Variants in BDP1 observed in about 807,000 individuals in gnomAD.
The protein encoded by BDP1 is BDP1 general transcription factor IIIB subunit.
Under a neutral mutation model 266.6 loss-of-function variants are expected in BDP1, and 169 were observed. The ratio of observed to expected loss-of-function variants is 0.63; its 90% CI spans 0.56 to 0.72. The LOEUF (loss-of-function observed/expected upper bound fraction) is 0.72. BDP1 is among the 30% of genes least tolerant of loss of function. The probability of loss-of-function intolerance (pLI) is 0.00; values close to 1 mark genes in which losing one functional copy is unlikely to be tolerated. For missense variants in BDP1, 3,015 were observed against 3,053.8 expected (o/e 0.99, Z 0.30); for synonymous variants, 1,090 against 1,022.4 (o/e 1.07, Z -1.26).
intron 5 of BDP1, among the ~76,000 whole-genome samples, chr5:71,466,507 T>C (rs2150357338): frequency 6.6e-6 from 1 of 152,340 alleles, no homozygotes; most frequent in African/African-American, 2.4e-5. Flanking sequence ...AATCATATGC[T>C]GTCTTCCACT....
chr5:71,470,391 A>T lies in BDP1; in HGVS notation c.920-4A>T, dbSNP rs747369076. ...CAATCATTCTAAATCTTTTATTTTC[A>T]CAGAAACAGATATGTTTTTTTTAGC... is the stretch of plus-strand genomic sequence containing the variant. On this transcript the variant is annotated splice_polypyrimidine_tract_variant and splice_region_variant and intron_variant, in intron 6 of 38. Coordinates refer to ENST00000358731, the MANE Select transcript of BDP1 (RefSeq NM_018429.3). 3.8e-6 allele frequency: 6 copies of T among 1,578,844 alleles called. No homozygotes were observed. Among genetic ancestry groups the T allele is most frequent in the Non-Finnish European group, 5.2e-6 (6 of 1,155,410 alleles).
intron 20 of BDP1, among the ~76,000 whole-genome samples, chr5:71,515,746 A>G (rs183443089): frequency 2.0e-5 from 3 of 152,136 alleles, no homozygotes; most frequent in Admixed American, 6.5e-5. Flanking sequence ...TTTCTTTTTC[A>G]TCTTCATAAA....
intron 7 of BDP1, among the ~76,000 whole-genome samples, chr5:71,470,740 A>G (rs1362148535): frequency 6.6e-6 from 1 of 151,920 alleles, no homozygotes; most frequent in Non-Finnish European, 1.5e-5. Context: ...GGCACCTGCC[A>G]CCACGCCCGG....
At chr5:71,503,807 C>T (rs1764406391) in intron 15 of BDP1, among the ~76,000 whole-genome samples, 1 of 151,894 alleles carries the variant, frequency 6.6e-6, no homozygotes, top group South Asian at 2.1e-4. Context: ...TCTCTACAAA[C>T]AAAAATTTTT....
intron 7 of BDP1, among the ~76,000 whole-genome samples, chr5:71,479,073 C>T (rs370229945): frequency 5.9e-5 from 9 of 152,114 alleles, no homozygotes; most frequent in South Asian, 2.1e-4. Flanking sequence ...GATGGAGTCT[C>T]GCTCTGTTGC....
At chr5:71,495,166 T>G in intron 11 of BDP1, 84 bp from the exon 12 acceptor site, 1 of 813,888 alleles carries the variant, frequency 1.2e-6, no homozygotes. Flanking sequence ...ATGGTGATTT[T>G]GTGTGTTTAA....
intron 7 of BDP1, among the ~76,000 whole-genome samples, chr5:71,472,829 G>A (rs1157876754): frequency 6.6e-6 from 1 of 151,114 alleles, no homozygotes; most frequent in Non-Finnish European, 1.5e-5. Context: ...TTTCTTTGGA[G>A]GAAGAGTTTA....
chr5:71,553,026 T>C (rs1742962269), intron 34 of BDP1, 90 bp from the exon 35 acceptor site: 1 of 1,104,370 alleles, frequency 9.1e-7, no homozygotes, highest in Non-Finnish European at 1.3e-6. Flanking sequence ...TTTAACTTTA[T>C]TATTGGAAGG....
chr5:71,460,069 A>C (rs907074186), intron 2 of BDP1, among the ~76,000 whole-genome samples: 1 of 152,242 alleles, frequency 6.6e-6, no homozygotes, highest in South Asian at 2.1e-4. Flanking sequence ...GAGTCAATAC[A>C]TGTAAAACAC....
chr5:71,461,460 A>G (rs1761559871), intron 2 of BDP1, among the ~76,000 whole-genome samples: 1 of 150,760 alleles, frequency 6.6e-6, no homozygotes. Context: ...AAAAAACCCC[A>G]CAAAATTAGC....
chr5:71,457,566 T>C (rs565777140), intron 1 of BDP1, among the ~76,000 whole-genome samples: 1 of 152,236 alleles, frequency 6.6e-6, no homozygotes, highest in Non-Finnish European at 1.5e-5. Context: ...TCCACCTGCC[T>C]CAGCCCAAAG....
chr5:71,466,088 TGTGG>T lies in BDP1; in HGVS notation c.660-7_660-4del. The T allele has an allele frequency of 3.7e-6, 6 of 1,611,834 alleles. No individual in the cohort carries two copies. The highest frequency in any genetic ancestry group is 5.1e-6 in the Non-Finnish European group (6 of 1,179,156). ...CTTTGTGAATTAACTTATCTTTATA[TGTGG>T]TAGGCAAGAAGGTAAGAGTACTCCT... is the stretch of plus-strand genomic sequence containing the variant. On this transcript the variant is annotated splice_region_variant and splice_polypyrimidine_tract_variant and intron_variant, in intron 4 of 38. Coordinates refer to ENST00000358731, the MANE Select transcript of BDP1 (RefSeq NM_018429.3).
chr5:71,459,014 C>A (rs1392531812), intron 2 of BDP1, among the ~76,000 whole-genome samples, 159 bp downstream of exon 2: 2 of 152,176 alleles, frequency 1.3e-5, no homozygotes, highest in Non-Finnish European at 2.9e-5. Flanking sequence ...TTGATTGATA[C>A]ACCGTGGACT....
Position 71,509,479 on chromosome 5 carries a change from A to G in BDP1, c.2387A>G (p.Asn796Ser), listed in dbSNP as rs752122551. 2 of 1,579,054 alleles carry G rather than the reference A, an allele frequency of 1.3e-6. No individual in the cohort carries two copies. The highest frequency in any genetic ancestry group is 2.0e-5 in the Admixed American group (1 of 50,284). The change falls in exon 17 of 39, where the codon AAT becomes AGT. Residue 796 changes from asparagine to serine, a missense_variant. Asn to Ser is a conservative substitution (Grantham distance 46). Transcript: ENST00000358731. ...TTTTTTTATAGCGTTCAAGAGAATA[A>G]TAAGGCAAATAAACTTAACCAAGTC... ...LNECLSVQEN[N>S]KANKLNQVPI...
rs909359116 is a variant in BDP1, at chr5:71,497,404, A to G, written c.1934A>G (p.His645Arg). Residue 645 changes from histidine (H) to arginine (R), a missense_variant, in exon 13 of 39, where the codon CAT (histidine) becomes CGT (arginine). His to Arg is a conservative substitution (Grantham distance 29, BLOSUM62 0). Transcript: ENST00000358731. ...GKTESESKNS[H>R]SKTSVEKNHV... is the part of the protein sequence containing the mutation. ...ACAGAGTCAGAGAGCAAGAATTCAC[A>G]TTCAAAAACTTCAGTTGAAAAGGTA... The G allele has an allele frequency of 6.2e-7, 1 of 1,613,188 alleles. No homozygotes were observed. The highest frequency in any genetic ancestry group is 2.2e-5 in the East Asian group (1 of 44,826).
At chr5:71,498,512 C>T (rs1764031598) in intron 13 of BDP1, among the ~76,000 whole-genome samples, 2 of 151,980 alleles carry the variant, frequency 1.3e-5, no homozygotes, top group Admixed American at 6.6e-5. Context: ...CAGCCTCTGC[C>T]TCCCAGGTTC....
downstream of BDP1, among the ~76,000 whole-genome samples, chr5:71,568,789 AAT>A (rs1407217515): frequency 2.0e-5 from 3 of 152,224 alleles, no homozygotes; most frequent in African/African-American, 7.2e-5. Flanking sequence ...CAGTTAGCAT[AAT>A]GTTATACATG....
Position 71,566,183 on chromosome 5 carries a change from A to G in BDP1, c.*1298A>G, listed in dbSNP as rs1339374564. ...TTTTCATGAGGATAGGGGGAACTCA[A>G]CTTTATTTATGAGACAAAATTTCCA... On this transcript the variant is annotated 3_prime_UTR_variant, in exon 39 of 39. Transcript: ENST00000358731. 1 of 153,312 alleles carries G rather than the reference A, an allele frequency of 6.5e-6. No individual in the cohort carries two copies. The highest frequency in any genetic ancestry group is 1.5e-5 in the Non-Finnish European group (1 of 68,348). 9.5% of individuals were successfully genotyped at this position (153,312 alleles called of 1,614,324 possible). A position where few individuals can be genotyped will look rare whatever the true frequency, so the allele number is the denominator to read the frequency against.
intron 36 of BDP1, 114 bp from the exon 37 acceptor site, chr5:71,559,868 T>A: frequency 9.6e-7 from 1 of 1,042,888 alleles, no homozygotes; most frequent in Admixed American, 2.4e-5. Context: ...TTTAGCTTAC[T>A]CTTATTAGGG....
Sources: allele counts gnomAD v4.1 joint callset (sites outside exome capture counted in the v4.1 genomes callset), GRCh38; gene constraint gnomAD v4.1.1; transcripts MANE v1.5; gene names NCBI Gene and HGNC (gene_info 2026-07-23, HGNC 2026-07-21).